The following TRIM16 variants were observed in gnomAD, a reference collection of about 807,000 sequenced individuals.
The protein encoded by TRIM16 is tripartite motif-containing protein 16.
TRIM16 carries 33 observed loss-of-function variants against 50.4 expected under a neutral mutation model. That is an observed-to-expected ratio of 0.65 (90% confidence interval 0.50 to 0.88). The LOEUF is 0.88. Ranked by LOEUF, TRIM16 falls within the 40% of genes least tolerant of loss-of-function variation. The probability of loss-of-function intolerance (pLI) is 0.00; values close to 1 mark genes in which losing one functional copy is unlikely to be tolerated. For synonymous variants in TRIM16, 229 were observed against 270.7 expected (o/e 0.85, Z 1.51); for missense variants, 581 against 686.8 (o/e 0.85, Z 1.72).
At chr17:15,668,248 T>C (rs1988582711) in intron 6 of TRIM16, among the ~76,000 whole-genome samples, 1 of 152,230 alleles carries the variant, frequency 6.6e-6, no homozygotes, top group Non-Finnish European at 1.5e-5. Context: ...GTTCACCTCA[T>C]GAGTTTCCCT....
intron 4 of TRIM16, among the ~76,000 whole-genome samples, chr17:15,679,169 G>A (rs1036292978): frequency 8.5e-4 from 130 of 152,086 alleles, no homozygotes; most frequent in African/African-American, 3.0e-3. Context: ...ATGAGCCACC[G>A]CATCCAGCCA....
At chr17:15,629,482 C>G (rs991989114) in intron 11 of TRIM16, among the ~76,000 whole-genome samples, 2 of 152,234 alleles carry the variant, frequency 1.3e-5, no homozygotes, top group Admixed American at 1.3e-4. Flanking sequence ...CTCATTCATG[C>G]ATTCATTCAT....
In TRIM16 at chr17:15,676,508, C is replaced by T. The variant is rs187166108; in HGVS notation, c.-338+668G>A. 4.0e-5 allele frequency among the ~76,000 whole-genome samples: 6 copies of T among 151,188 alleles called. No individual in the cohort carries two copies. The East Asian group carries it at 7.8e-4, about 20-fold the overall frequency. ...GGAGTGCAATGGCATGATCTCGGCT[C>T]GCTGCAAGCCCCACCTCCTGGGGTT... is the stretch of plus-strand genomic sequence containing the variant. On this transcript the variant is annotated intron_variant, in intron 6 of 11. Transcript: ENST00000649191.
intron 7 of TRIM16, among the ~76,000 whole-genome samples, chr17:15,649,334 T>C (rs1028754936): frequency 6.6e-6 from 1 of 152,110 alleles, no homozygotes; most frequent in African/African-American, 2.4e-5. Flanking sequence ...GTCACCAGGC[T>C]GGAGTGAAGT....
intron 6 of TRIM16, among the ~76,000 whole-genome samples, chr17:15,668,141 T>C (rs1356362732): frequency 6.6e-6 from 1 of 152,146 alleles, no homozygotes; most frequent in African/African-American, 2.4e-5. Flanking sequence ...GATTTCCACA[T>C]CCTCCACTCC....
intron 6 of TRIM16, among the ~76,000 whole-genome samples, chr17:15,653,100 T>C (rs1376004989): frequency 1.3e-5 from 2 of 152,146 alleles, no homozygotes; most frequent in Non-Finnish European, 2.9e-5. Flanking sequence ...CCCACAGTGA[T>C]GAGTGAGTTC....
intron 6 of TRIM16, among the ~76,000 whole-genome samples, chr17:15,665,031 CAAAA>C (rs10559243): frequency 7.9e-5 from 6 of 75,816 alleles, no homozygotes; most frequent in African/African-American, 2.5e-4. Context: ...GACTCCGTCT[CAAAA>C]AAAAAAAAAA....
At position 15,651,265 on chromosome 17, in the gene TRIM16, T is replaced by A; in HGVS notation, c.345A>T (p.Gln115His). Reference sequence around the variant, plus strand: ...TCACTGGCTCGGTCAGCAGGTGGCTTTGCAGTTTGATGTTCACCTGATGCG... The same window carrying A: ...TCACTGGCTCGGTCAGCAGGTGGCTATGCAGTTTGATGTTCACCTGATGCG... Reference protein sequence around the residue: ...LQPHQVNIKLQSHLLTEPVKD... With the variant: ...LQPHQVNIKLHSHLLTEPVKD... Residue 115 changes from glutamine to histidine, a missense_variant, in exon 7 of 12, where the codon CAA becomes CAT. Gln to His is a conservative substitution (Grantham distance 24). Transcript: ENST00000649191. 6.2e-7 allele frequency: 1 copy of A among 1,614,188 alleles called. No individual in the cohort carries two copies. The highest frequency in any genetic ancestry group is 8.5e-7 in the Non-Finnish European group (1 of 1,180,022).
intron 6 of TRIM16, chr17:15,658,720 G>A (rs75150725): frequency 0.033 from 28,116 of 849,516 alleles, 605 homozygotes; most frequent in East Asian, 0.14. Context: ...AATTTTTCTC[G>A]TAAAATCTCA....
In TRIM16 at chr17:15,655,667, C is replaced by T. The variant is rs112172057; in HGVS notation, c.-337-3721G>A. On this transcript the variant is annotated intron_variant, in intron 6 of 11. Coordinates refer to ENST00000649191, the MANE Select transcript of TRIM16 (RefSeq NM_001348119.1). ...TCGGCTCACTGCAAGCTCTGCCTCC[C>T]GGGTTCATGCCATTCTCCTGCCTCA... Among the ~76,000 whole-genome samples, 1,517 of 152,110 alleles carry T rather than the reference C, an allele frequency of 1.0e-2. 10 individuals are homozygous for T. The highest frequency in any genetic ancestry group is 0.034 in the Middle Eastern group (10 of 294).
At chr17:15,642,695 G>T (rs573757536) in intron 8 of TRIM16, 26 bp downstream of exon 8, 13 of 795,968 alleles carry the variant, frequency 1.6e-5, no homozygotes, top group Non-Finnish European at 2.6e-5. Flanking sequence ...ACCCTCACAG[G>T]CCTGGCTGAC....
intron 7 of TRIM16, among the ~76,000 whole-genome samples, chr17:15,645,939 T>C (rs1170674479): frequency 6.6e-6 from 1 of 152,128 alleles, no homozygotes; most frequent in Admixed American, 6.5e-5. Context: ...GCTTACACAG[T>C]GACCCATTCC....
intron 8 of TRIM16, among the ~76,000 whole-genome samples, chr17:15,637,374 C>G (rs1180466386): frequency 8.5e-6 from 1 of 117,708 alleles, no homozygotes; most frequent in Admixed American, 7.4e-5. Flanking sequence ...ACCCGGCCAG[C>G]CGCCCCGTCC....
rs1037887553 is a variant in TRIM16, at chr17:15,640,920, A to G, written c.615+1801T>C. On this transcript the variant is annotated intron_variant, in intron 8 of 11. Transcript: ENST00000649191. Reference sequence around the variant, plus strand: ...AGGAGCAGGACACAGCATGGGAACCAGCATGAGGGTGTTGTGGGAAAGGAG... The same window carrying G: ...AGGAGCAGGACACAGCATGGGAACCGGCATGAGGGTGTTGTGGGAAAGGAG... 1.0e-4 allele frequency among the ~76,000 whole-genome samples: 15 copies of G among 148,768 alleles called. 2 individuals are homozygous for G. Among genetic ancestry groups the G allele is most frequent in the Non-Finnish European group, 6.0e-5 (4 of 67,130 alleles).
intron 6 of TRIM16, among the ~76,000 whole-genome samples, chr17:15,657,185 T>C (rs895724308): frequency 6.6e-6 from 1 of 152,216 alleles, no homozygotes; most frequent in African/African-American, 2.4e-5. Context: ...ATTTACCATC[T>C]TAACTGCTTT....
chr17:15,657,455 G>A (rs1041595000), intron 6 of TRIM16, among the ~76,000 whole-genome samples: 3 of 152,056 alleles, frequency 2.0e-5, no homozygotes, highest in African/African-American at 7.2e-5. Flanking sequence ...CATTCACACT[G>A]TTGTGCAGTT....
At chr17:15,658,664 T>C (rs1322656771) in intron 6 of TRIM16, 2 of 226,430 alleles carry the variant, frequency 8.8e-6, no homozygotes, top group East Asian at 3.6e-4. Flanking sequence ...GGATTGGGAA[T>C]GTCCGGAAGA....
intron 4 of TRIM16, among the ~76,000 whole-genome samples, chr17:15,678,241 C>T (rs542511130): frequency 6.6e-6 from 1 of 151,884 alleles, no homozygotes; most frequent in South Asian, 2.1e-4. Context: ...AGAAAACTAT[C>T]AGAAATATGG....
intron 6 of TRIM16, among the ~76,000 whole-genome samples, chr17:15,675,285 T>A (rs1281079410): frequency 6.6e-6 from 1 of 152,168 alleles, no homozygotes; most frequent in Non-Finnish European, 1.5e-5. Context: ...TAAAATATAA[T>A]AAAGCATCGC....
Sources: gnomAD v4.1 joint callset for allele counts (sites outside exome capture counted in the v4.1 genomes callset) on GRCh38, gnomAD v4.1.1 for gene constraint, MANE v1.5 for transcripts, NCBI Gene and HGNC (gene_info 2026-07-23, HGNC 2026-07-21) for gene names.